CLSTN2: variants seen among roughly 807,000 people sequenced by gnomAD.
The protein encoded by CLSTN2 is calsyntenin 2.
Under a neutral mutation model 101.2 loss-of-function variants are expected in CLSTN2, and 48 were observed. That is an observed-to-expected ratio of 0.47 (90% CI 0.38 to 0.60). CLSTN2 has a LOEUF of 0.60. Ranked by LOEUF, CLSTN2 falls within the 20% of genes least tolerant of loss-of-function variation. The probability of loss-of-function intolerance (pLI) is 0.00; values close to 1 mark genes in which losing one functional copy is unlikely to be tolerated. For synonymous variants in CLSTN2, 481 were observed against 463.6 expected, an observed-to-expected ratio of 1.04 and a Z score of -0.48; for missense variants, 1,160 against 1,238.2, an observed-to-expected ratio of 0.94 and a Z score of 0.95.
intron 1 of CLSTN2, among the ~76,000 whole-genome samples, chr3:140,017,597 G>A (rs953832500): frequency 2.6e-5 from 4 of 152,216 alleles, no homozygotes; most frequent in African/African-American, 7.2e-5. Context: ...TGCATACAGT[G>A]GAACACAACT....
Position 140,421,252 on chromosome 3 carries a change from A to C in CLSTN2, c.765A>C (p.Pro255=), listed in dbSNP as rs769961370. ...CCCTGGTGCAGGTGGATGTGAAGCCAGTTTGCAAGCCTGGCTGGCAAGGTG... is the reference window on the plus strand; with the variant it reads ...CCCTGGTGCAGGTGGATGTGAAGCCCGTTTGCAAGCCTGGCTGGCAAGGTG... ...QDTLVQVDVK[P]VCKPGWQDWT... The change falls in exon 5 of 17, where the codon CCA becomes CCC. Residue 255 remains proline, a synonymous_variant. Coordinates refer to ENST00000458420, the MANE Select transcript of CLSTN2 (RefSeq NM_022131.3). 3 of 1,614,178 alleles carry C rather than the reference A, an allele frequency of 1.9e-6. No homozygotes were observed. The highest frequency in any genetic ancestry group is 2.2e-5 in the East Asian group (1 of 44,874).
At chr3:140,406,644 C>T (rs910320520) in intron 4 of CLSTN2, among the ~76,000 whole-genome samples, 2 of 152,258 alleles carry the variant, frequency 1.3e-5, no homozygotes, top group Non-Finnish European at 2.9e-5. Context: ...GCACACACCA[C>T]TCCATAAAAT....
At chr3:139,941,045 A>G (rs1935117741) in intron 1 of CLSTN2, among the ~76,000 whole-genome samples, 1 of 152,188 alleles carries the variant, frequency 6.6e-6, no homozygotes, top group Admixed American at 6.5e-5. Context: ...TAAGGTATTG[A>G]CAAGTTTTGT....
At chr3:139,982,605 T>G (rs1169332273) in intron 1 of CLSTN2, among the ~76,000 whole-genome samples, 1 of 152,194 alleles carries the variant, frequency 6.6e-6, no homozygotes, top group Admixed American at 6.5e-5. Context: ...TGGGTGGTAG[T>G]GTTCAGAACC....
intron 1 of CLSTN2, among the ~76,000 whole-genome samples, chr3:140,154,752 C>T (rs1300718370): frequency 6.9e-6 from 1 of 145,438 alleles, no homozygotes; most frequent in African/African-American, 2.5e-5. Context: ...TCACGCCATT[C>T]TCCTGCCTCA....
intron 1 of CLSTN2, among the ~76,000 whole-genome samples, chr3:139,989,659 T>A (rs1229553820): frequency 6.6e-6 from 1 of 152,208 alleles, no homozygotes; most frequent in East Asian, 1.9e-4. Flanking sequence ...TCAATTGAGA[T>A]AATGTACTCA....
intron 2 of CLSTN2, among the ~76,000 whole-genome samples, chr3:140,311,908 C>T (rs1019243823): frequency 1.5e-4 from 23 of 152,248 alleles, no homozygotes; most frequent in Admixed American, 1.3e-3. Flanking sequence ...TATCTTGAGT[C>T]GCATCTCTAA....
At chr3:140,485,155 T>A (rs1218824042) in intron 8 of CLSTN2, among the ~76,000 whole-genome samples, 1 of 152,358 alleles carries the variant, frequency 6.6e-6, no homozygotes, top group African/African-American at 2.4e-5. Context: ...ATGTCCTATC[T>A]GTTAGTTTTC....
intron 8 of CLSTN2, among the ~76,000 whole-genome samples, chr3:140,514,328 A>G (rs547060717): frequency 6.6e-6 from 1 of 152,088 alleles, no homozygotes; most frequent in Non-Finnish European, 1.5e-5. Flanking sequence ...TTGCATCCTC[A>G]TAGCTTAGCT....
chr3:140,158,722 C>T (rs1415074139), intron 1 of CLSTN2, among the ~76,000 whole-genome samples: 1 of 152,032 alleles, frequency 6.6e-6, no homozygotes, highest in Non-Finnish European at 1.5e-5. Flanking sequence ...GCCTGAATAA[C>T]CAAAGCAATC....
intron 1 of CLSTN2, among the ~76,000 whole-genome samples, chr3:139,966,865 G>A (rs1935609445): frequency 1.3e-5 from 2 of 152,134 alleles, no homozygotes; most frequent in African/African-American, 4.8e-5. Context: ...GTCCTATGCT[G>A]ATGACCCAAG....
At chr3:140,145,950 C>A (rs2009774671) in intron 1 of CLSTN2, among the ~76,000 whole-genome samples, 2 of 152,236 alleles carry the variant, frequency 1.3e-5, no homozygotes, top group South Asian at 4.1e-4. Context: ...ATTTCAAAAA[C>A]ACTTTTCCAC....
At position 140,567,936 on chromosome 3, in the gene CLSTN2, C is replaced by G. The variant is rs1482370599; in HGVS notation, c.*1683C>G. 6.6e-6 allele frequency: 1 copy of G among 152,256 alleles called. No individual in the cohort carries two copies. Among genetic ancestry groups the G allele is most frequent in the Non-Finnish European group, 1.5e-5 (1 of 68,062 alleles). The allele number at this position is 152,256 out of a possible 1,614,324, so 9.4% of individuals were successfully genotyped here. On this transcript the variant is annotated 3_prime_UTR_variant, in exon 17 of 17. Transcript: ENST00000458420. Reference sequence around the variant, plus strand: ...CAACTTTCTGATTCATGAGAACAACCTTGTGAAGCTTTTCCCACCTCCTAA... The same window carrying G: ...CAACTTTCTGATTCATGAGAACAACGTTGTGAAGCTTTTCCCACCTCCTAA...
intron 8 of CLSTN2, among the ~76,000 whole-genome samples, chr3:140,511,919 G>T (rs1934823354): frequency 6.6e-6 from 1 of 151,658 alleles, no homozygotes; most frequent in Non-Finnish European, 1.5e-5. Flanking sequence ...TCATATGTTT[G>T]TTGGCCACAA....
chr3:140,028,531 A>T (rs894394356), intron 1 of CLSTN2, among the ~76,000 whole-genome samples: 2 of 152,150 alleles, frequency 1.3e-5, no homozygotes, highest in Non-Finnish European at 2.9e-5. Flanking sequence ...TCATCCCAAG[A>T]TTATCTTACA....
At chr3:140,273,209 C>T (rs764350185) in intron 2 of CLSTN2, among the ~76,000 whole-genome samples, 1 of 151,048 alleles carries the variant, frequency 6.6e-6, no homozygotes, top group Non-Finnish European at 1.5e-5. Context: ...CGGAACCTGT[C>T]GGGGGGTGGG....
At chr3:140,158,370 T>C (rs1000559384) in intron 1 of CLSTN2, among the ~76,000 whole-genome samples, 10 of 152,138 alleles carry the variant, frequency 6.6e-5, no homozygotes. Flanking sequence ...AAAATCTCTG[T>C]ACAAAAGCCA....
intron 1 of CLSTN2, among the ~76,000 whole-genome samples, chr3:140,001,646 T>A (rs2107747713): frequency 6.6e-6 from 1 of 152,236 alleles, no homozygotes; most frequent in South Asian, 2.1e-4. Flanking sequence ...TTTAAGCTAT[T>A]TTTAAATGTA....
In CLSTN2 at chr3:140,564,143, G is replaced by A; in HGVS notation, c.2665G>A (p.Glu889Lys). 6.2e-7 allele frequency: 1 copy of A among 1,613,696 alleles called. No homozygotes were observed. The highest frequency in any genetic ancestry group is 1.1e-5 in the South Asian group (1 of 91,048). Residue 889 changes from glutamate to lysine, a missense_variant and splice_region_variant, in exon 16 of 17, where the codon GAG becomes AAG. Physicochemically the swap from Glu to Lys is moderately conservative, Grantham distance 56. Coordinates refer to ENST00000458420, the MANE Select transcript of CLSTN2 (RefSeq NM_022131.3). ...GCTGACTATCACAGTCAACCCCATG[G>A]AGGTGATCCTCATGCACGGCTGGGA... ...SALTITVNPM[E>K]KHEGPGHGED...
Sources: allele counts gnomAD v4.1 joint callset (sites outside exome capture counted in the v4.1 genomes callset), GRCh38; gene constraint gnomAD v4.1.1; transcripts MANE v1.5; gene names NCBI Gene and HGNC (gene_info 2026-07-23, HGNC 2026-07-21).